The following SCML2 variants were observed in gnomAD, a reference collection of about 807,000 sequenced individuals.
The protein encoded by SCML2 is Scm polycomb group protein like 2.
A neutral mutation model predicts 48.4 loss-of-function variants in SCML2; 6 were observed. The ratio of observed to expected loss-of-function variants is 0.12; its 90% CI spans 0.07 to 0.24. SCML2 has a LOEUF of 0.24. SCML2 is among the 10% of genes least tolerant of loss of function. The probability of loss-of-function intolerance (pLI) is 1.00; values close to 1 mark genes in which losing one functional copy is unlikely to be tolerated. For synonymous variants in SCML2, 181 were observed against 189.5 expected, an observed-to-expected ratio of 0.95 and a Z score of 0.37; for missense variants, 377 against 528.2, an observed-to-expected ratio of 0.71 and a Z score of 2.81.
rs557940370 is a variant in SCML2 at position 18,294,741 on chromosome X, G to A, written c.730+10231C>T. ...GATCCCCAGCACTCTACCATACACA[G>A]TGTCCTGCACCCTGGGGAACAAATG... On this transcript the variant is annotated intron_variant, in intron 7 of 14. Coordinates refer to ENST00000251900, the MANE Select transcript of SCML2 (RefSeq NM_006089.3). 2.3e-4 allele frequency among the ~76,000 whole-genome samples: 25 copies of A among 110,961 alleles called. No homozygotes were observed. The South Asian group carries it at 8.6e-3, about 38-fold the overall frequency.
intron 8 of SCML2, among the ~76,000 whole-genome samples, chrX:18,264,083 T>C (rs1927171399): frequency 9.0e-6 from 1 of 111,699 alleles, no homozygotes; most frequent in Non-Finnish European, 1.9e-5. Context: ...TTCATGACAT[T>C]TGGAAAATTT....
chrX:18,338,452 A>G (rs1929905706), intron 1 of SCML2, among the ~76,000 whole-genome samples: 1 of 109,083 alleles, frequency 9.2e-6, no homozygotes, highest in Non-Finnish European at 1.9e-5. Flanking sequence ...TTAAAAAAAA[A>G]AAAAAGAAAA....
intron 7 of SCML2, among the ~76,000 whole-genome samples, chrX:18,290,077 A>T (rs769489643): frequency 1.6e-4 from 18 of 112,214 alleles, no homozygotes; most frequent in Admixed American, 5.7e-4. Flanking sequence ...TAATTAAGAA[A>T]AAACTAAACC....
intron 7 of SCML2, among the ~76,000 whole-genome samples, chrX:18,289,415 T>A (rs1041893602): frequency 8.9e-6 from 1 of 112,406 alleles, no homozygotes; most frequent in African/African-American, 3.2e-5. Context: ...AGCTTTTGAG[T>A]CAGTCATTTA....
chrX:18,328,015 C>T (rs1289520960), intron 3 of SCML2, among the ~76,000 whole-genome samples: 2 of 111,912 alleles, frequency 1.8e-5, no homozygotes, highest in African/African-American at 6.5e-5. Flanking sequence ...AGTATTCTAT[C>T]TCAGAAGAGA....
At chrX:18,352,752 T>A (rs1930414476) in intron 1 of SCML2, among the ~76,000 whole-genome samples, 1 of 111,981 alleles carries the variant, frequency 8.9e-6, no homozygotes, top group Non-Finnish European at 1.9e-5. Flanking sequence ...GAAAAACTGA[T>A]ACACCTTTTT....
intron 12 of SCML2, among the ~76,000 whole-genome samples, chrX:18,247,253 T>C (rs1413015641): frequency 9.0e-6 from 1 of 111,454 alleles, no homozygotes; most frequent in Admixed American, 9.6e-5. Context: ...CGACTTGGCG[T>C]TCCTTGGCAT....
chrX:18,351,351 T>C (rs1431677586), intron 1 of SCML2, among the ~76,000 whole-genome samples: 1 of 110,957 alleles, frequency 9.0e-6, no homozygotes, highest in East Asian at 2.8e-4. Context: ...TCAGTTCAAA[T>C]TCTAAGGTAT....
chrX:18,344,270 C>A (rs1002683155), intron 1 of SCML2, among the ~76,000 whole-genome samples: 3 of 111,827 alleles, frequency 2.7e-5, no homozygotes, highest in African/African-American at 9.7e-5. Flanking sequence ...CATTACAAAC[C>A]CTCAATCTTT....
chrX:18,243,988 AT>A (rs1926355757), intron 13 of SCML2, among the ~76,000 whole-genome samples: 1 of 112,196 alleles, frequency 8.9e-6, no homozygotes, highest in Non-Finnish European at 1.9e-5. Flanking sequence ...TTTTAAGTAT[AT>A]TTACCTAGGG....
chrX:18,271,312 T>C (rs1223347445), intron 7 of SCML2, among the ~76,000 whole-genome samples: 1 of 110,789 alleles, frequency 9.0e-6, no homozygotes, highest in Non-Finnish European at 1.9e-5. Context: ...AGAGCACCCA[T>C]GTGGTTAAGA....
Position 18,346,870 on chromosome X carries a change from C to T in SCML2, c.-25+7722G>A, listed in dbSNP as rs770317616. Among the ~76,000 whole-genome samples the T allele has an allele frequency of 2.7e-5, 3 of 111,653 alleles. No homozygotes were observed. The South Asian group carries it at 1.1e-3, about 41-fold the overall frequency. The stretch of plus-strand genomic sequence containing the variant: ...GTATTTTTTCTTTGACCAAGAGAAG[C>T]TCTCTCTTTCAACTAAGATTTTGTT... On this transcript the variant is annotated intron_variant, in intron 1 of 14. Coordinates refer to ENST00000251900, the MANE Select transcript of SCML2 (RefSeq NM_006089.3).
chrX:18,327,097 G>A (rs1030898241), intron 3 of SCML2, among the ~76,000 whole-genome samples: 6 of 110,639 alleles, frequency 5.4e-5, no homozygotes, highest in South Asian at 3.9e-4. Flanking sequence ...CGGGCGAGGC[G>A]CAGTGGCTCA....
intron 6 of SCML2, among the ~76,000 whole-genome samples, chrX:18,314,095 C>G (rs1004049092): frequency 8.9e-6 from 1 of 112,154 alleles, no homozygotes; most frequent in Non-Finnish European, 1.9e-5. Flanking sequence ...TGGACTTTAG[C>G]TCTTGCTAAT....
At chrX:18,303,194 CTA>C (rs1037560355) in intron 7 of SCML2, among the ~76,000 whole-genome samples, 9 of 111,348 alleles carry the variant, frequency 8.1e-5, no homozygotes, top group African/African-American at 2.9e-4. Flanking sequence ...AAAGTACACA[CTA>C]TGTGTACTTT....
chrX:18,345,044 G>A (rs974181205), intron 1 of SCML2, among the ~76,000 whole-genome samples: 5 of 111,350 alleles, frequency 4.5e-5, no homozygotes. Flanking sequence ...CTGCATAGTA[G>A]ATACTGTTAT....
chrX:18,351,316 G>C (rs1162361488), intron 1 of SCML2, among the ~76,000 whole-genome samples: 1 of 109,853 alleles, frequency 9.1e-6, no homozygotes, highest in African/African-American at 3.3e-5. Flanking sequence ...AAAATGTCCA[G>C]GTTTTTAGTT....
chrX:18,247,490 G>A (rs1316473172), intron 12 of SCML2, among the ~76,000 whole-genome samples: 2 of 111,989 alleles, frequency 1.8e-5, no homozygotes, highest in Non-Finnish European at 3.8e-5. Flanking sequence ...CTGGAGAAAG[G>A]CAGTAGGTTT....
At chrX:18,329,272 G>C (rs1169468642) in intron 3 of SCML2, among the ~76,000 whole-genome samples, 1 of 111,705 alleles carries the variant, frequency 9.0e-6, no homozygotes, top group East Asian at 2.8e-4. Context: ...AGAGGATTTG[G>C]GGGTCCCAGG....
Sources: gnomAD v4.1 joint callset for allele counts (sites outside exome capture counted in the v4.1 genomes callset) on GRCh38, gnomAD v4.1.1 for gene constraint, MANE v1.5 for transcripts, NCBI Gene and HGNC (gene_info 2026-07-23, HGNC 2026-07-21) for gene names.